Variants in SCHIP1 observed in about 807,000 individuals in gnomAD.
SCHIP1 encodes the protein schwannomin-interacting protein 1.
SCHIP1 carries 8 observed loss-of-function variants against 29.7 expected under a neutral mutation model. That is an observed-to-expected ratio of 0.27 (90% CI 0.16 to 0.49). SCHIP1 has a LOEUF of 0.49. Ranked by LOEUF, SCHIP1 falls within the 20% of genes least tolerant of loss-of-function variation. The pLI is 0.99. For synonymous variants in SCHIP1, 76 were observed against 94.9 expected (o/e 0.80, Z 1.16); for missense variants, 193 against 294.6 (o/e 0.66, Z 2.52).
At chr3:159,687,479 C>T in the SCHIP1 span, among the ~76,000 whole-genome samples, 174 of 152,138 alleles carry the variant, frequency 1.1e-3, 2 homozygotes, top group East Asian at 0.024. Context: ...TTTTGATATT[C>T]AAGGTTTTGG....
chr3:159,685,644 C>T, the SCHIP1 span, among the ~76,000 whole-genome samples: 1 of 152,128 alleles, frequency 6.6e-6, no homozygotes, highest in Non-Finnish European at 1.5e-5. Context: ...GTACAAAGAG[C>T]TTTAAAAGGA....
At chr3:159,421,498 TGAAAA>T in the SCHIP1 span, among the ~76,000 whole-genome samples, 47 of 152,148 alleles carry the variant, frequency 3.1e-4, no homozygotes, top group African/African-American at 1.1e-3. Flanking sequence ...CTTTATACTA[TGAAAA>T]AGGAGAACAA....
chr3:159,569,291 A>G, the SCHIP1 span, among the ~76,000 whole-genome samples: 1 of 152,126 alleles, frequency 6.6e-6, no homozygotes, highest in East Asian at 1.9e-4. Flanking sequence ...TACATTAAGT[A>G]TGTCTCCTAA....
At chr3:159,474,173 C>T in the SCHIP1 span, among the ~76,000 whole-genome samples, 3 of 152,092 alleles carry the variant, frequency 2.0e-5, no homozygotes, top group African/African-American at 7.2e-5. Context: ...AGATATGAGA[C>T]CAAAATATCC....
chr3:159,639,618 T>A, the SCHIP1 span, among the ~76,000 whole-genome samples: 2 of 152,190 alleles, frequency 1.3e-5, no homozygotes, highest in African/African-American at 4.8e-5. Flanking sequence ...CAAAGAGGTT[T>A]GACAGCATCT....
the SCHIP1 span, among the ~76,000 whole-genome samples, chr3:159,337,512 A>G: frequency 4.3e-4 from 66 of 152,312 alleles, no homozygotes; most frequent in Non-Finnish European, 6.6e-4. Context: ...AGGATACAAA[A>G]TCAATGTGCA....
At chr3:159,565,955 C>A in the SCHIP1 span, among the ~76,000 whole-genome samples, 1 of 152,114 alleles carries the variant, frequency 6.6e-6, no homozygotes, top group Non-Finnish European at 1.5e-5. Flanking sequence ...TATGTCAGGG[C>A]AAACATGACT....
At chr3:159,578,609 T>C in the SCHIP1 span, among the ~76,000 whole-genome samples, 2 of 152,168 alleles carry the variant, frequency 1.3e-5, no homozygotes, top group African/African-American at 4.8e-5. Context: ...ACATCAAGGT[T>C]CAGCAGAAAA....
At chr3:159,639,695 T>C in the SCHIP1 span, among the ~76,000 whole-genome samples, 1 of 151,442 alleles carries the variant, frequency 6.6e-6, no homozygotes, top group Non-Finnish European at 1.5e-5. Context: ...TGTAACAATC[T>C]ATTTTATTTC....
At chr3:159,316,946 C>A in the SCHIP1 span, among the ~76,000 whole-genome samples, 1 of 152,332 alleles carries the variant, frequency 6.6e-6, no homozygotes, top group Non-Finnish European at 1.5e-5. Context: ...TTTATGACTA[C>A]CTTCTTCTAC....
chr3:159,469,612 C>G, the SCHIP1 span, among the ~76,000 whole-genome samples: 1 of 152,108 alleles, frequency 6.6e-6, no homozygotes, highest in South Asian at 2.1e-4. Flanking sequence ...CCACCATGAG[C>G]ACTGGGGAAC....
intron 2 of SCHIP1, among the ~76,000 whole-genome samples, chr3:159,871,633 C>A (rs1169465733): frequency 6.6e-6 from 1 of 152,140 alleles, no homozygotes; most frequent in African/African-American, 2.4e-5. Context: ...AGTCTTTTCT[C>A]TTGGGCTATG....
chr3:159,498,000 T>G, the SCHIP1 span, among the ~76,000 whole-genome samples: 1 of 152,234 alleles, frequency 6.6e-6, no homozygotes, highest in African/African-American at 2.4e-5. Flanking sequence ...TGAATTTTTT[T>G]TCTCTCTCCC....
the SCHIP1 span, among the ~76,000 whole-genome samples, chr3:159,507,450 T>C: frequency 2.0e-5 from 3 of 152,136 alleles, no homozygotes; most frequent in South Asian, 2.1e-4. Context: ...TAATTGAATG[T>C]CCTTTATTTC....
the SCHIP1 span, among the ~76,000 whole-genome samples, chr3:159,546,029 A>G: frequency 6.6e-6 from 1 of 151,988 alleles, no homozygotes; most frequent in Non-Finnish European, 1.5e-5. Flanking sequence ...TGCTATTGTG[A>G]AAGATATTTT....
chr3:159,418,200 T>G, the SCHIP1 span, among the ~76,000 whole-genome samples: 1 of 152,198 alleles, frequency 6.6e-6, no homozygotes, highest in South Asian at 2.1e-4. Context: ...TTCCATTGTG[T>G]GTAAGTACTG....
At chr3:159,721,754 C>T in the SCHIP1 span, 63 of 447,036 alleles carry the variant, frequency 1.4e-4, no homozygotes, top group African/African-American at 1.2e-3. Context: ...AAGGACGTCT[C>T]ACTGTCTTTC....
At chr3:159,535,900 T>C in the SCHIP1 span, among the ~76,000 whole-genome samples, 2 of 152,204 alleles carry the variant, frequency 1.3e-5, no homozygotes, top group African/African-American at 4.8e-5. Context: ...GAAAAACAGA[T>C]GACAGGCTGC....
chr3:159,487,776 A>C, the SCHIP1 span, among the ~76,000 whole-genome samples: 2 of 152,192 alleles, frequency 1.3e-5, no homozygotes, highest in Middle Eastern at 3.2e-3. Context: ...TCACCTTCTT[A>C]GTATGAAAGT....
Sources: gnomAD v4.1 joint callset for allele counts (sites outside exome capture counted in the v4.1 genomes callset) on GRCh38, gnomAD v4.1.1 for gene constraint, MANE v1.5 for transcripts, NCBI Gene and HGNC (gene_info 2026-07-23, HGNC 2026-07-21) for gene names.